Variants in IQGAP2 observed in about 807,000 individuals in gnomAD.
The protein encoded by IQGAP2 is ras GTPase-activating-like protein IQGAP2.
In IQGAP2, 173 loss-of-function variants were observed where a neutral mutation model predicts 201.3. That is an observed-to-expected ratio of 0.86 (90% CI 0.76 to 0.98). IQGAP2 has a LOEUF of 0.98. Among genes scored for constraint, IQGAP2 ranks in the 50% least tolerant of loss-of-function variants. The probability of loss-of-function intolerance (pLI) is 0.00; values close to 1 mark genes in which losing one functional copy is unlikely to be tolerated. For synonymous variants in IQGAP2, 675 were observed against 673.9 expected, an observed-to-expected ratio of 1.00 and a Z score of -0.03; for missense variants, 1,687 against 1,864.8, an observed-to-expected ratio of 0.90 and a Z score of 1.76.
chr5:76,571,260 C>T (rs1745097253), intron 4 of IQGAP2, among the ~76,000 whole-genome samples: 1 of 152,144 alleles, frequency 6.6e-6, no homozygotes, highest in Non-Finnish European at 1.5e-5. Context: ...CCACCTCCGC[C>T]TCCCATGTTC....
intron 1 of IQGAP2, among the ~76,000 whole-genome samples, chr5:76,446,360 TA>T (rs1753393479): frequency 6.6e-6 from 1 of 152,220 alleles, no homozygotes. Context: ...GTTGTTTTTT[TA>T]ATGCATTTTT....
rs573203371 is a variant in IQGAP2 at position 76,568,208 on chromosome 5, A to T, written c.304-2372A>T. On this transcript the variant is annotated intron_variant, in intron 3 of 35. Coordinates refer to ENST00000274364, the MANE Select transcript of IQGAP2 (RefSeq NM_006633.5). Reference sequence around the variant, plus strand: ...CTCAGGTAGTTTAAAAGGATGAAGGATTTGAAATCTGTCATTTCATTTGTT... The same window carrying T: ...CTCAGGTAGTTTAAAAGGATGAAGGTTTTGAAATCTGTCATTTCATTTGTT... Among the ~76,000 whole-genome samples the T allele has an allele frequency of 5.7e-4, 87 of 152,358 alleles. 1 individual carries two copies. Among genetic ancestry groups the T allele is most frequent in the African/African-American group, 1.8e-3 (76 of 41,592 alleles).
intron 17 of IQGAP2, among the ~76,000 whole-genome samples, chr5:76,647,036 T>A (rs1580713350): frequency 6.6e-6 from 1 of 152,326 alleles, no homozygotes; most frequent in South Asian, 2.1e-4. Flanking sequence ...TTTTTTTAAA[T>A]CTTTAATTTT....
At chr5:76,531,853 C>G (rs1183302138) in intron 2 of IQGAP2, among the ~76,000 whole-genome samples, 1 of 152,188 alleles carries the variant, frequency 6.6e-6, no homozygotes, top group Non-Finnish European at 1.5e-5. Flanking sequence ...TTAGAAACCA[C>G]AGAAATTTAT....
intron 2 of IQGAP2, among the ~76,000 whole-genome samples, chr5:76,542,913 T>G (rs186041383): frequency 5.9e-5 from 9 of 152,232 alleles, no homozygotes; most frequent in African/African-American, 1.9e-4. Context: ...ATGTAAGGAC[T>G]TTATATCTGT....
intron 17 of IQGAP2, among the ~76,000 whole-genome samples, chr5:76,644,139 A>G (rs997679235): frequency 1.3e-5 from 2 of 152,024 alleles, no homozygotes; most frequent in African/African-American, 4.8e-5. Context: ...ATGACCTCTG[A>G]GGTCTAAGCG....
At chr5:76,510,613 A>T (rs1018152903) in intron 2 of IQGAP2, 2 of 513,476 alleles carry the variant, frequency 3.9e-6, no homozygotes, top group Non-Finnish European at 7.9e-6. Context: ...TGTCCTCTAG[A>T]TCAGAGGGGC....
chr5:76,571,334 C>A (rs112698927), intron 4 of IQGAP2, among the ~76,000 whole-genome samples: 1 of 152,120 alleles, frequency 6.6e-6, no homozygotes, highest in African/African-American at 2.4e-5. Flanking sequence ...TGCCCCATGC[C>A]CAGCTAATTT....
intron 17 of IQGAP2, among the ~76,000 whole-genome samples, chr5:76,650,582 T>C (rs889971238): frequency 6.6e-6 from 1 of 152,256 alleles, no homozygotes; most frequent in Non-Finnish European, 1.5e-5. Context: ...TTCTCCAAAA[T>C]ACAGAGCATT....
chr5:76,611,173 A>G lies in IQGAP2; in HGVS notation c.1511A>G (p.Gln504Arg). The change falls in exon 13 of 36, where the codon CAG (glutamine) becomes CGG (arginine). Residue 504 changes from glutamine to arginine, a missense_variant. By Grantham distance (43) the Gln-to-Arg change is conservative. Transcript: ENST00000274364. Reference sequence around the variant, plus strand: ...GATGTTTTATACCATGCTAAATCACAGAAACTCGGAGTAAGTTTTAGTATA... The same window carrying G: ...GATGTTTTATACCATGCTAAATCACGGAAACTCGGAGTAAGTTTTAGTATA... ...YQDVLYHAKS[Q>R]KLGDSESVSK... is the part of the protein sequence containing the mutation. 1 of 1,607,968 alleles carries G rather than the reference A, an allele frequency of 6.2e-7. No individual in the cohort carries two copies. Among genetic ancestry groups the G allele is most frequent in the Non-Finnish European group, 8.5e-7 (1 of 1,178,176 alleles).
At chr5:76,633,482 A>G (rs535131042) in intron 15 of IQGAP2, among the ~76,000 whole-genome samples, 1 of 152,184 alleles carries the variant, frequency 6.6e-6, no homozygotes, top group East Asian at 1.9e-4. Context: ...ATTGTTTTTT[A>G]ATTATATTTT....
intron 2 of IQGAP2, among the ~76,000 whole-genome samples, chr5:76,488,684 G>A (rs1479763480): frequency 2.0e-5 from 3 of 152,180 alleles, no homozygotes; most frequent in Non-Finnish European, 4.4e-5. Context: ...AGGGAGGTAC[G>A]AAGATACAAG....
chr5:76,416,927 C>T (rs1333738753), intron 1 of IQGAP2, among the ~76,000 whole-genome samples: 1 of 152,118 alleles, frequency 6.6e-6, no homozygotes, highest in African/African-American at 2.4e-5. Flanking sequence ...CTCCTGGGCT[C>T]AAGTGATCCT....
chr5:76,639,629 A>C lies in IQGAP2; in HGVS notation c.1924-1304A>C, dbSNP rs191760574. ...CTATTTTGGGAAAAAACAAGAACAC[A>C]TATCTTATAGAATCGTTAAAAGTCA... On this transcript the variant is annotated intron_variant, in intron 16 of 35. Transcript: ENST00000274364. 1.3e-4 allele frequency among the ~76,000 whole-genome samples: 20 copies of C among 152,366 alleles called. No homozygotes were observed. In the East Asian group the frequency reaches 3.9e-3, roughly 29 times the overall value.
At chr5:76,411,241 G>A (rs1420282844) in intron 1 of IQGAP2, among the ~76,000 whole-genome samples, 1 of 152,230 alleles carries the variant, frequency 6.6e-6, no homozygotes, top group Non-Finnish European at 1.5e-5. Context: ...TTTTTGTCAA[G>A]TAAGTGAAAA....
chr5:76,565,808 C>A (rs997866307), intron 3 of IQGAP2, among the ~76,000 whole-genome samples: 5 of 152,168 alleles, frequency 3.3e-5, no homozygotes, highest in Non-Finnish European at 5.9e-5. Flanking sequence ...GTGTGATACT[C>A]TTCCTCTAAG....
At chr5:76,567,808 A>G (rs549614048) in intron 3 of IQGAP2, among the ~76,000 whole-genome samples, 10 of 152,348 alleles carry the variant, frequency 6.6e-5, no homozygotes, top group South Asian at 2.1e-4. Flanking sequence ...TTAGCATCCA[A>G]TGATGACAAT....
In IQGAP2 at chr5:76,446,999, T is replaced by C. The variant is rs143781984; in HGVS notation, c.47-14571T>C. ...CAGGGGCACCAGTGCATTAAGAAGG[T>C]CATGCCTATTTTGCGACCAGTTTCC... On this transcript the variant is annotated intron_variant, in intron 1 of 35. Transcript: ENST00000274364. Among the ~76,000 whole-genome samples the C allele has an allele frequency of 2.2e-3, 342 of 152,362 alleles. 2 individuals carry two copies. The highest frequency in any genetic ancestry group is 7.9e-3 in the African/African-American group (329 of 41,580).
chr5:76,690,523 G>T lies in IQGAP2; in HGVS notation c.3906-2832G>T, dbSNP rs181466136. Among the ~76,000 whole-genome samples, 4 of 152,258 alleles carry T rather than the reference G, an allele frequency of 2.6e-5. No individual in the cohort carries two copies. In the East Asian group the frequency reaches 7.7e-4, roughly 29 times the overall value. ...CTAAGACTAACCAGGTTTCATGACT[G>T]GGTGGCCCTGGAAGGCAGGCCTCTC... On this transcript the variant is annotated intron_variant, in intron 30 of 35. Transcript: ENST00000274364.
Sources: allele counts gnomAD v4.1 joint callset (sites outside exome capture counted in the v4.1 genomes callset), GRCh38; gene constraint gnomAD v4.1.1; transcripts MANE v1.5; gene names NCBI Gene and HGNC (gene_info 2026-07-23, HGNC 2026-07-21).